The following SASH1 variants were observed in gnomAD, a reference collection of about 807,000 sequenced individuals.
SASH1 encodes the protein SAM and SH3 domain containing 1.
In SASH1, 44 loss-of-function variants were observed where a neutral mutation model predicts 125.2. That is an observed-to-expected ratio of 0.35 (90% CI 0.28 to 0.45). The LOEUF is 0.45. SASH1 is among the 20% of genes least tolerant of loss of function. The pLI is 1.00. For synonymous variants in SASH1, 639 were observed against 649.1 expected (o/e 0.98, Z 0.24); for missense variants, 1,426 against 1,614.5 (o/e 0.88, Z 2.00).
intron 10 of SASH1, among the ~76,000 whole-genome samples, chr6:148,524,174 A>C (rs1208997982): frequency 2.9e-5 from 4 of 139,944 alleles, no homozygotes; most frequent in African/African-American, 1.0e-4. Context: ...GTGCAAAAGT[A>C]ATCGCAGTTT....
chr6:148,267,492 C>T (rs1008141996), upstream of SASH1, among the ~76,000 whole-genome samples: 2 of 151,908 alleles, frequency 1.3e-5, no homozygotes, highest in Admixed American at 1.3e-4. Flanking sequence ...AATTCTCCTG[C>T]CTCAGCCTCC....
intron 1 of SASH1, among the ~76,000 whole-genome samples, chr6:148,387,628 C>CGGCATCCTTAG (rs1783489470): frequency 3.0e-5 from 1 of 33,854 alleles, no homozygotes; most frequent in Non-Finnish European, 6.5e-5. Flanking sequence ...TTCTTTCTTT[C>CGGCATCCTTAG]TTTCTTTCTT....
chr6:148,375,322 A>G (rs79691360), intron 1 of SASH1, among the ~76,000 whole-genome samples: 2,309 of 152,240 alleles, frequency 0.015, 28 homozygotes, highest in Non-Finnish European at 0.024. Flanking sequence ...ACACAGAGAC[A>G]TAGAGATACA....
chr6:148,276,198 T>C (rs977938172), intron 1 of SASH1, among the ~76,000 whole-genome samples: 3 of 152,234 alleles, frequency 2.0e-5, no homozygotes, highest in Non-Finnish European at 4.4e-5. Flanking sequence ...AATACCTGCC[T>C]GTAAGGAGTT....
intron 1 of SASH1, among the ~76,000 whole-genome samples, chr6:148,301,504 G>T (rs955382993): frequency 6.6e-6 from 1 of 151,966 alleles, no homozygotes; most frequent in Non-Finnish European, 1.5e-5. Context: ...GACCTCAGGT[G>T]ATTCTCCTGC....
chr6:148,387,019 C>T lies in SASH1; in HGVS notation c.157-3115C>T, dbSNP rs1266842740. ...TGGGAACTACCTGGGTGCTTGCTTG[C>T]TTTCTCTCTCTCTTTCTTTCTTGCT... On this transcript the variant is annotated intron_variant, in intron 1 of 19. Coordinates refer to ENST00000367467, the MANE Select transcript of SASH1 (RefSeq NM_015278.5). Among the ~76,000 whole-genome samples, 4 of 150,402 alleles carry T rather than the reference C, an allele frequency of 2.7e-5. No individual in the cohort carries two copies. The East Asian group carries it at 8.0e-4, about 30-fold the overall frequency.
At chr6:148,353,283 C>T (rs1286002725) in intron 1 of SASH1, among the ~76,000 whole-genome samples, 1 of 151,860 alleles carries the variant, frequency 6.6e-6, no homozygotes, top group Non-Finnish European at 1.5e-5. Flanking sequence ...CTTTTTGTTG[C>T]ACAGGCTGAT....
At chr6:148,521,555 C>T (rs1464837695) in intron 10 of SASH1, among the ~76,000 whole-genome samples, 1 of 152,114 alleles carries the variant, frequency 6.6e-6, no homozygotes, top group Admixed American at 6.5e-5. Flanking sequence ...ATTTTCTGTC[C>T]TTTCATATTC....
the SASH1 span, among the ~76,000 whole-genome samples, chr6:148,219,031 G>C: frequency 2.6e-5 from 4 of 152,336 alleles, no homozygotes; most frequent in South Asian, 4.1e-4. Context: ...AAAGACCTTA[G>C]GGAGGACCAC....
At chr6:148,220,961 A>C in the SASH1 span, among the ~76,000 whole-genome samples, 496 of 152,280 alleles carry the variant, frequency 3.3e-3, 3 homozygotes, top group African/African-American at 0.012. Context: ...CTAACAAATG[A>C]TTTCTGCATA....
chr6:148,354,078 T>TC (rs1781836735), intron 1 of SASH1, among the ~76,000 whole-genome samples: 1 of 152,020 alleles, frequency 6.6e-6, no homozygotes, highest in Admixed American at 6.6e-5. Flanking sequence ...GTCAGGAGGA[T>TC]CCCTTGAGCC....
chr6:148,381,711 C>G (rs563451053), intron 1 of SASH1, among the ~76,000 whole-genome samples: 1 of 144,130 alleles, frequency 6.9e-6, no homozygotes, highest in African/African-American at 2.6e-5. Flanking sequence ...TCACTGCAGC[C>G]TCTACCTCCT....
At chr6:148,521,007 G>T (rs1382460486) in intron 10 of SASH1, among the ~76,000 whole-genome samples, 1 of 152,112 alleles carries the variant, frequency 6.6e-6, no homozygotes, top group Non-Finnish European at 1.5e-5. Context: ...CCTTCCCCTA[G>T]CCTATAGATT....
intron 1 of SASH1, among the ~76,000 whole-genome samples, chr6:148,300,490 C>G (rs2128512991): frequency 1.4e-5 from 2 of 144,138 alleles, no homozygotes; most frequent in South Asian, 2.2e-4. Flanking sequence ...GCTCTGTCAC[C>G]CAGGCTGGAG....
rs1781679215 is a variant in SASH1, at chr6:148,533,884, CGAG to C, written c.1852_1854del (p.Glu618del). Reference sequence around the variant, plus strand: ...TCTACGTGGACGTGCTCAGTGAAGACGAGGAGAAACCCAAACGCCCCACCAGGA... The same window carrying C: ...TCTACGTGGACGTGCTCAGTGAAGACGAGAAACCCAAACGCCCCACCAGGA... On this transcript the variant is annotated inframe_deletion, in exon 15 of 20. Coordinates refer to ENST00000367467, the MANE Select transcript of SASH1 (RefSeq NM_015278.5). This position sits in a 1 kb window ranked among gnomAD's most constrained non-coding sequence, Gnocchi z 6.2. The C allele has an allele frequency of 6.2e-7, 1 of 1,614,024 alleles. No homozygotes were observed.
Position 148,534,912 on chromosome 6 carries a change from G to T in SASH1, c.2095+11G>T, listed in dbSNP as rs369152232. On this transcript the variant is annotated intron_variant, in intron 16 of 19. Coordinates refer to ENST00000367467, the MANE Select transcript of SASH1 (RefSeq NM_015278.5). ...TACAAGAGTATGACAGTAAGTCCCT[G>T]TATGCACAGAGGTGTTCCCTGTGAG... The T allele has an allele frequency of 7.1e-5, 115 of 1,613,892 alleles. No homozygotes were observed. The highest frequency in any genetic ancestry group is 9.2e-5 in the Non-Finnish European group (109 of 1,179,926).
intron 1 of SASH1, among the ~76,000 whole-genome samples, chr6:148,273,284 T>TTTTC (rs1294637067): frequency 4.2e-5 from 6 of 143,236 alleles, no homozygotes; most frequent in Non-Finnish European, 3.0e-5. Context: ...TTTTTTAAAT[T>TTTTC]TTTCTTTCTT....
At chr6:148,518,686 A>G (rs1345053217) in intron 9 of SASH1, among the ~76,000 whole-genome samples, 1 of 152,164 alleles carries the variant, frequency 6.6e-6, no homozygotes, top group Non-Finnish European at 1.5e-5. Context: ...TGGGATCGCT[A>G]CACCCACAGT....
chr6:148,305,042 T>A (rs1780088147), intron 1 of SASH1, among the ~76,000 whole-genome samples: 1 of 152,052 alleles, frequency 6.6e-6, no homozygotes, highest in Non-Finnish European at 1.5e-5. Context: ...AATAAATCAA[T>A]AAATAAATAA....
Sources: allele counts gnomAD v4.1 joint callset (sites outside exome capture counted in the v4.1 genomes callset), GRCh38; gene constraint gnomAD v4.1.1; non-coding constraint Gnocchi (gnomAD v3.1); transcripts MANE v1.5; gene names NCBI Gene and HGNC (gene_info 2026-07-23, HGNC 2026-07-21).